Variants in SUPT5H observed in about 807,000 individuals in gnomAD.
SUPT5H encodes the protein SPT5 homolog, DSIF elongation factor subunit.
SUPT5H carries 24 observed loss-of-function variants against 142.5 expected under a neutral mutation model. The observed-to-expected ratio is 0.17, with a 90% CI of 0.12 to 0.24. The LOEUF (loss-of-function observed/expected upper bound fraction) is 0.24. Among genes scored for constraint, SUPT5H ranks in the 10% least tolerant of loss-of-function variants. The probability of loss-of-function intolerance (pLI) is 1.00; values close to 1 mark genes in which losing one functional copy is unlikely to be tolerated. For missense variants in SUPT5H, 893 were observed against 1,471.8 expected (o/e 0.61, Z 6.43); for synonymous variants, 546 against 553.0 (o/e 0.99, Z 0.18).
rs1288829041 is a variant in SUPT5H at position 39,466,927 on chromosome 19, AG to A, written c.1037+183del. 1.8e-5 allele frequency: 11 copies of A among 624,640 alleles called. No individual in the cohort carries two copies. In the African/African-American group the frequency reaches 2.0e-4, roughly 11 times the overall value. The allele number at this position is 624,640 out of a possible 1,614,324, so 38.7% of individuals were successfully genotyped here. ...TGTGCCTCAGTTTCTTCTGCTATAA[AG>A]ATTGATGAGGCTGGGCGCAGCGGGA... On this transcript the variant is annotated intron_variant, in intron 13 of 29. Coordinates refer to ENST00000432763, the MANE Select transcript of SUPT5H (RefSeq NM_001111020.3). This position sits in a 1 kb window ranked among gnomAD's most constrained non-coding sequence, Gnocchi z 4.3.
At chr19:39,461,059 G>A (rs1600709185) in intron 10 of SUPT5H, among the ~76,000 whole-genome samples, 2 of 151,668 alleles carry the variant, frequency 1.3e-5, no homozygotes, top group African/African-American at 2.4e-5. Context: ...GGTGGATCAC[G>A]AGGTTAGGAG....
Position 39,445,631 on chromosome 19 carries a change from C to T in SUPT5H, c.-94C>T. The T allele has an allele frequency of 2.1e-6, 1 of 481,212 alleles. No homozygotes were observed. Among genetic ancestry groups the T allele is most frequent in the Non-Finnish European group, 3.8e-6 (1 of 263,104 alleles). The allele number at this position is 481,212 out of a possible 1,614,324, so 29.8% of individuals were successfully genotyped here. ...CTGGTACCGAAGGCGGAGGTGGAGCCCGAGAGGTAAGTGCGTGTGCAGAGG... is the reference window on the plus strand; with the variant it reads ...CTGGTACCGAAGGCGGAGGTGGAGCTCGAGAGGTAAGTGCGTGTGCAGAGG... On this transcript the variant is annotated 5_prime_UTR_variant, in exon 1 of 30. Transcript: ENST00000432763.
In SUPT5H at chr19:39,473,556, T is replaced by C; in HGVS notation, c.2492+35T>C. ...GGGTTCCCCAGGTTCTGGTGTGTGCTGGTGTGTGTGAGGGATGATGCTGGG... is the reference window on the plus strand; with the variant it reads ...GGGTTCCCCAGGTTCTGGTGTGTGCCGGTGTGTGTGAGGGATGATGCTGGG... On this transcript the variant is annotated intron_variant, in intron 25 of 29. Transcript: ENST00000432763. This position sits in a 1 kb window ranked among gnomAD's most constrained non-coding sequence, Gnocchi z 5.8. 3 of 1,592,498 alleles carry C rather than the reference T, an allele frequency of 1.9e-6. No individual in the cohort carries two copies. In the South Asian group the frequency reaches 3.3e-5, roughly 18 times the overall value.
At position 39,458,654 on chromosome 19, in the gene SUPT5H, T is replaced by A; in HGVS notation, c.320-164T>A. ...GTCTTTTTGACAAGAAGCAGGATGC[T>A]GAGTAGGACAGAGTAGGGGATGAGG... is the stretch of plus-strand genomic sequence containing the variant. On this transcript the variant is annotated intron_variant, in intron 5 of 29. Coordinates refer to ENST00000432763, the MANE Select transcript of SUPT5H (RefSeq NM_001111020.3). This position sits in a 1 kb window ranked among gnomAD's most constrained non-coding sequence, Gnocchi z 4.2. The A allele has an allele frequency of 1.3e-6, 1 of 742,646 alleles. No homozygotes were observed. The highest frequency in any genetic ancestry group is 2.2e-6 in the Non-Finnish European group (1 of 460,346). 46.0% of individuals were successfully genotyped at this position (742,646 alleles called of 1,614,324 possible). A position where few individuals can be genotyped will look rare whatever the true frequency, so the allele number is the denominator to read the frequency against.
At position 39,472,347 on chromosome 19, in the gene SUPT5H, T is replaced by G. The variant is rs1001600403; in HGVS notation, c.1951-62T>G. On this transcript the variant is annotated intron_variant, in intron 20 of 29. Transcript: ENST00000432763. This position sits in a 1 kb window ranked among gnomAD's most constrained non-coding sequence, Gnocchi z 4.2. Reference sequence around the variant, plus strand: ...AGGGCCCTGCACGTGGGATGATGAGTTCCTGTGGTTTGTGGTTCCCCCATC... The same window carrying G: ...AGGGCCCTGCACGTGGGATGATGAGGTCCTGTGGTTTGTGGTTCCCCCATC... The G allele has an allele frequency of 3.3e-6, 5 of 1,533,882 alleles. No individual in the cohort carries two copies. The highest frequency in any genetic ancestry group is 4.5e-6 in the Non-Finnish European group (5 of 1,109,868).
At chr19:39,457,482 T>C (rs1415694964) in intron 3 of SUPT5H, among the ~76,000 whole-genome samples, 193 bp from the exon 4 acceptor site, 4 of 152,202 alleles carry the variant, frequency 2.6e-5, no homozygotes, top group African/African-American at 4.8e-5. Context: ...TGGAGCTGTA[T>C]GTCCCCCTCG....
At chr19:39,457,905 CT>C in intron 4 of SUPT5H, 165 bp downstream of exon 4, 1 of 1,233,992 alleles carries the variant, frequency 8.1e-7, no homozygotes. Flanking sequence ...CTGCTTTTTC[CT>C]TTTAGGCCCA....
rs758189396 is a variant in SUPT5H, at chr19:39,466,781, C to T, written c.1037+36C>T. 9.3e-6 allele frequency: 15 copies of T among 1,607,198 alleles called. No individual in the cohort carries two copies. Among genetic ancestry groups the T allele is most frequent in the Non-Finnish European group, 1.0e-5 (12 of 1,173,816 alleles). On this transcript the variant is annotated intron_variant, in intron 13 of 29. Coordinates refer to ENST00000432763, the MANE Select transcript of SUPT5H (RefSeq NM_001111020.3). The surrounding 1 kb of genome is among the most constrained non-coding windows in gnomAD (Gnocchi z 4.3). ...TTGGGGACTGGCTGGGCTGGGTCCCCAGGGCCGGTGTGTAGAATGTGCCTT... is the reference window on the plus strand; with the variant it reads ...TTGGGGACTGGCTGGGCTGGGTCCCTAGGGCCGGTGTGTAGAATGTGCCTT...
At chr19:39,459,725 A>G in intron 9 of SUPT5H, 136 bp downstream of exon 9, 3 of 1,311,092 alleles carry the variant, frequency 2.3e-6, no homozygotes. Flanking sequence ...CCCTCACTCC[A>G]CGTTACTGAC....
At position 39,472,956 on chromosome 19, in the gene SUPT5H, G is replaced by A; in HGVS notation, c.2155+27G>A. ...TGACCTGCGAGGCCTGTGGAGGCCT[G>A]GGGAGGGGCATGGTGAAGGAGAGCC... On this transcript the variant is annotated intron_variant, in intron 22 of 29. Coordinates refer to ENST00000432763, the MANE Select transcript of SUPT5H (RefSeq NM_001111020.3). The surrounding 1 kb of genome is among the most constrained non-coding windows in gnomAD (Gnocchi z 4.2). The A allele has an allele frequency of 3.1e-6, 5 of 1,611,676 alleles. No individual in the cohort carries two copies. The highest frequency in any genetic ancestry group is 4.2e-6 in the Non-Finnish European group (5 of 1,178,430).
At position 39,470,551 on chromosome 19, in the gene SUPT5H, ACTTG is replaced by A; in HGVS notation, c.1677+32_1677+35del. The A allele has an allele frequency of 6.7e-7, 1 of 1,485,408 alleles. No individual in the cohort carries two copies. The highest frequency in any genetic ancestry group is 2.5e-5 in the East Asian group (1 of 39,584). 92.0% of individuals were successfully genotyped at this position (1,485,408 alleles called of 1,614,324 possible). On this transcript the variant is annotated intron_variant, in intron 18 of 29. Coordinates refer to ENST00000432763, the MANE Select transcript of SUPT5H (RefSeq NM_001111020.3). This position sits in a 1 kb window ranked among gnomAD's most constrained non-coding sequence, Gnocchi z 5.8. ...GTGTGTGTTGTGCTCTGTGGCGGGG[ACTTG>A]CTTTTAGGAGGCTTCCTGTCCCTCA... is the stretch of plus-strand genomic sequence containing the variant.
chr19:39,462,839 C>CTTTT lies in SUPT5H; in HGVS notation c.625-1944_625-1941dup, dbSNP rs71169597. Among the ~76,000 whole-genome samples the CTTTT allele has an allele frequency of 8.7e-4, 96 of 110,334 alleles. 4 individuals carry two copies. The South Asian group carries it at 9.5e-3, about 11-fold the overall frequency. The allele number at this position is 110,334 out of a possible 152,430, so 72.4% of individuals were successfully genotyped here. ...AGCCACTGTGCCCAGCCTTAATTTTCTTTTTTTTTTTTTTTTTTGAGACAG... is the reference window on the plus strand; with the variant it reads ...AGCCACTGTGCCCAGCCTTAATTTTCTTTTTTTTTTTTTTTTTTTTTTGAGACAG... On this transcript the variant is annotated intron_variant, in intron 10 of 29. Transcript: ENST00000432763.
At chr19:39,453,838 T>C (rs2079051796) in intron 3 of SUPT5H, among the ~76,000 whole-genome samples, 1 of 152,220 alleles carries the variant, frequency 6.6e-6, no homozygotes, top group African/African-American at 2.4e-5. Flanking sequence ...ATGCTGGGAT[T>C]ACAGGCGTGA....
Position 39,469,332 on chromosome 19 carries a change from G to C in SUPT5H, c.1308G>C (p.Leu436=). ...TCTGTGAGGGTGAGCTCATCAACCT[G>C]CAGGGCAAGATCCTCAGCGTGGATG... The part of the protein sequence containing the change: ...VEVCEGELIN[L]QGKILSVDGN... The change falls in exon 16 of 30, where the codon CTG becomes CTC. Residue 436 remains leucine, a synonymous_variant. Transcript: ENST00000432763. This position sits in a 1 kb window ranked among gnomAD's most constrained non-coding sequence, Gnocchi z 5.1. The C allele has an allele frequency of 8.7e-6, 14 of 1,614,228 alleles. No homozygotes were observed. Among genetic ancestry groups the C allele is most frequent in the Non-Finnish European group, 1.2e-5 (14 of 1,180,036 alleles).
rs1453753854 is a variant in SUPT5H at position 39,458,704 on chromosome 19, T to C, written c.320-114T>C. On this transcript the variant is annotated intron_variant, in intron 5 of 29. Transcript: ENST00000432763. The surrounding 1 kb of genome is among the most constrained non-coding windows in gnomAD (Gnocchi z 4.2). ...GGGTTGGGATTTCCTCTGTGAGATGTCATCTTCCTGCCCCAGGGCCAAACC... is the reference window on the plus strand; with the variant it reads ...GGGTTGGGATTTCCTCTGTGAGATGCCATCTTCCTGCCCCAGGGCCAAACC... The C allele has an allele frequency of 2.1e-6, 2 of 970,234 alleles. No individual in the cohort carries two copies. The highest frequency in any genetic ancestry group is 3.1e-6 in the Non-Finnish European group (2 of 654,554). The allele number at this position is 970,234 out of a possible 1,614,324, so 60.1% of individuals were successfully genotyped here.
At chr19:39,452,958 A>G (rs1284260873) in intron 2 of SUPT5H, among the ~76,000 whole-genome samples, 1 of 150,268 alleles carries the variant, frequency 6.7e-6, no homozygotes, top group African/African-American at 2.5e-5. Flanking sequence ...GGTTGCAGTG[A>G]GCCAAGATTC....
At position 39,469,704 on chromosome 19, in the gene SUPT5H, A is replaced by T. The variant is rs960068110; in HGVS notation, c.1374+306A>T. ...TAACCAAGGAGTAATCTGAGGCTTG[A>T]CTTTGTTTGCTTAGAGCGGGGTGTG... On this transcript the variant is annotated intron_variant, in intron 16 of 29. Coordinates refer to ENST00000432763, the MANE Select transcript of SUPT5H (RefSeq NM_001111020.3). The surrounding 1 kb of genome is among the most constrained non-coding windows in gnomAD (Gnocchi z 5.1). 3 of 519,648 alleles carry T rather than the reference A, an allele frequency of 5.8e-6. No individual in the cohort carries two copies. The highest frequency in any genetic ancestry group is 1.9e-5 in the African/African-American group (1 of 52,144). The allele number at this position is 519,648 out of a possible 1,614,324, so 32.2% of individuals were successfully genotyped here.
intron 2 of SUPT5H, among the ~76,000 whole-genome samples, chr19:39,448,075 A>T (rs1458784722): frequency 6.6e-6 from 1 of 152,214 alleles, no homozygotes; most frequent in Non-Finnish European, 1.5e-5. Context: ...TGGCTGCCCT[A>T]CTTATACAGC....
chr19:39,458,218 TTGTC>T lies in SUPT5H; in HGVS notation c.308-73_308-70del. 3 of 1,559,864 alleles carry T rather than the reference TTGTC, an allele frequency of 1.9e-6. No homozygotes were observed. Among genetic ancestry groups the T allele is most frequent in the Non-Finnish European group, 1.7e-6 (2 of 1,158,972 alleles). On this transcript the variant is annotated intron_variant, in intron 4 of 29. Transcript: ENST00000432763. The surrounding 1 kb of genome is among the most constrained non-coding windows in gnomAD (Gnocchi z 4.2). The stretch of plus-strand genomic sequence containing the variant: ...TTGCTGCTATAATTTGGCTCATACT[TTGTC>T]TGCCCTCGCCCACCACCACCACCAC...
Sources: gnomAD v4.1 joint callset for allele counts (sites outside exome capture counted in the v4.1 genomes callset) on GRCh38, gnomAD v4.1.1 for gene constraint, Gnocchi (gnomAD v3.1) non-coding constraint, MANE v1.5 for transcripts, NCBI Gene and HGNC (gene_info 2026-07-23, HGNC 2026-07-21) for gene names.